ANK3: variants seen among roughly 807,000 people sequenced by gnomAD.
The protein encoded by ANK3 is ankyrin-3.
ANK3 carries 57 observed loss-of-function variants against 370.9 expected under a neutral mutation model. The ratio of observed to expected loss-of-function variants is 0.15; its 90% CI spans 0.12 to 0.19. ANK3 has a LOEUF of 0.19. Among genes scored for constraint, ANK3 ranks in the 10% least tolerant of loss-of-function variants. ANK3 has a pLI of 1.00. For missense variants in ANK3, 4,439 were observed against 5,302.1 expected (o/e 0.84, Z 5.06); for synonymous variants, 1,929 against 1,946.3 (o/e 0.99, Z 0.23).
chr10:60,433,545 A>G (rs1283945968), intron 2 of ANK3, among the ~76,000 whole-genome samples: 2 of 152,140 alleles, frequency 1.3e-5, no homozygotes, highest in East Asian at 3.9e-4. Flanking sequence ...GTGAGCCGAG[A>G]TCATGCCACC....
rs1181933154 is a variant in ANK3 at position 60,448,382 on chromosome 10, T to C, written c.96+166804A>G. ...ATTAGAAAGTCAGGAAAATTAGGGT[T>C]CTCACATCCTGTCTTTCCTTCTGAC... On this transcript the variant is annotated intron_variant, in intron 2 of 43. Transcript: ENST00000373827. 2.0e-5 allele frequency among the ~76,000 whole-genome samples: 3 copies of C among 152,222 alleles called. No homozygotes were observed. The East Asian group carries it at 5.8e-4, about 29-fold the overall frequency.
chr10:60,063,283 C>T, intron 39 of ANK3, 29 bp from the exon 40 acceptor site: 1 of 1,588,192 alleles, frequency 6.3e-7, no homozygotes, highest in Non-Finnish European at 8.6e-7. Flanking sequence ...GGTTGAAAAC[C>T]CAATTAAATT....
intron 42 of ANK3, among the ~76,000 whole-genome samples, chr10:60,049,314 C>T (rs764923674): frequency 2.0e-5 from 3 of 152,172 alleles, no homozygotes; most frequent in Non-Finnish European, 4.4e-5. Context: ...TGGGTCTGGG[C>T]GCAGTGGCTC....
At chr10:60,130,901 T>C (rs2094026632) in intron 25 of ANK3, among the ~76,000 whole-genome samples, 1 of 152,190 alleles carries the variant, frequency 6.6e-6, no homozygotes, top group Non-Finnish European at 1.5e-5. Context: ...CAAGTTACTA[T>C]TTTGAAATTG....
Position 60,724,164 on chromosome 10 carries a change from C to T in ANK3, c.57+9099G>A, listed in dbSNP as rs567003911. 1.2e-4 allele frequency among the ~76,000 whole-genome samples: 15 copies of T among 125,698 alleles called. No homozygotes were observed. The South Asian group carries it at 4.7e-3, about 39-fold the overall frequency. The allele number at this position is 125,698 out of a possible 152,430, so 82.5% of individuals were successfully genotyped here. A position where few individuals can be genotyped will look rare whatever the true frequency, so the allele number is the denominator to read the frequency against. ...GGCGGAGCTTGCAGTGAGCCGAGAT[C>T]GCGCCACTGCACTCCAGCCTGGGCG... On this transcript the variant is annotated intron_variant, in intron 1 of 43. Coordinates refer to the ANK3 transcript ENST00000373827.
At chr10:60,227,246 T>C (rs1470348161) in intron 8 of ANK3, among the ~76,000 whole-genome samples, 1 of 152,086 alleles carries the variant, frequency 6.6e-6, no homozygotes, top group Non-Finnish European at 1.5e-5. Context: ...TTCAGAACTT[T>C]AAAGGTGGCC....
At chr10:60,694,150 T>C (rs1221402653) in intron 1 of ANK3, among the ~76,000 whole-genome samples, 3 of 151,812 alleles carry the variant, frequency 2.0e-5, no homozygotes, top group South Asian at 2.1e-4. Context: ...AGGGTATCAG[T>C]GATGGAAGAT....
At position 60,262,343 on chromosome 10, in the gene ANK3, A is replaced by T. The variant is rs563468906; in HGVS notation, c.700-386T>A. On this transcript the variant is annotated intron_variant, in intron 6 of 43. Coordinates refer to ENST00000280772, the MANE Select transcript of ANK3 (RefSeq NM_020987.5). ...TTGAAACTCAAAATTCAATTAGTTT[A>T]TATATTTGATATAGATTCATATTAC... Among the ~76,000 whole-genome samples, 21 of 152,362 alleles carry T rather than the reference A, an allele frequency of 1.4e-4. No individual in the cohort carries two copies. The East Asian group carries it at 3.9e-3, about 28-fold the overall frequency.
In ANK3 at chr10:60,071,725, T is replaced by C; in HGVS notation, c.9156A>G (p.Leu3052=). 2 of 1,598,624 alleles carry C rather than the reference T, an allele frequency of 1.3e-6. No homozygotes were observed. The highest frequency in any genetic ancestry group is 1.7e-6 in the Non-Finnish European group (2 of 1,174,336). ...GAGATTCCTTTCCTGGGCTAAACTC[T>C]AAAGAATCAGGAGATTTGGTGGGGG... The part of the protein sequence containing the change: ...ETSPTKSPDS[L]EFSPGKESPS... The change falls in exon 37 of 44, where the codon TTA becomes TTG. Residue 3052 remains leucine (L), a synonymous_variant. Coordinates refer to ENST00000280772, the MANE Select transcript of ANK3 (RefSeq NM_020987.5).
At chr10:60,111,708 G>T (rs1039800301) in intron 26 of ANK3, 9 of 452,138 alleles carry the variant, frequency 2.0e-5, no homozygotes, top group African/African-American at 1.8e-4. Flanking sequence ...AAAAAGGATG[G>T]TTCACATAAA....
At chr10:60,321,402 G>T (rs1216795861) in intron 1 of ANK3, among the ~76,000 whole-genome samples, 1 of 108,184 alleles carries the variant, frequency 9.2e-6, no homozygotes, top group Non-Finnish European at 1.9e-5. Flanking sequence ...GAGAAGAGAA[G>T]AAAAGAAAAG....
chr10:60,452,334 C>T (rs191387089), intron 2 of ANK3, among the ~76,000 whole-genome samples: 1 of 152,230 alleles, frequency 6.6e-6, no homozygotes, highest in African/African-American at 2.4e-5. Flanking sequence ...ACGAGAGTTG[C>T]TTCTATTGTG....
chr10:60,672,466 T>C (rs935842183), intron 1 of ANK3, among the ~76,000 whole-genome samples: 1 of 152,176 alleles, frequency 6.6e-6, no homozygotes, highest in African/African-American at 2.4e-5. Flanking sequence ...AAAAACTACA[T>C]AAAGTTCCCT....
intron 36 of ANK3, among the ~76,000 whole-genome samples, chr10:60,080,052 T>A (rs1236871449): frequency 6.6e-6 from 1 of 152,080 alleles, no homozygotes; most frequent in Non-Finnish European, 1.5e-5. Flanking sequence ...AAACAAGTGC[T>A]ACCTCAAGAA....
At position 60,249,082 on chromosome 10, in the gene ANK3, G is replaced by T. The variant is rs957352770; in HGVS notation, c.798+12777C>A. Among the ~76,000 whole-genome samples, 13 of 152,172 alleles carry T rather than the reference G, an allele frequency of 8.5e-5. No individual in the cohort carries two copies. The South Asian group carries it at 1.9e-3, about 22-fold the overall frequency. On this transcript the variant is annotated intron_variant, in intron 7 of 43. Coordinates refer to ENST00000280772, the MANE Select transcript of ANK3 (RefSeq NM_020987.5). ...TTTCTTTAAAGATGTCACTATCAAAGCTCAATCAAAAGTAGCCTGCTATCT... is the reference window on the plus strand; with the variant it reads ...TTTCTTTAAAGATGTCACTATCAAATCTCAATCAAAAGTAGCCTGCTATCT...
intron 7 of ANK3, among the ~76,000 whole-genome samples, chr10:60,235,976 T>A (rs2097326481): frequency 6.6e-6 from 1 of 152,172 alleles, no homozygotes; most frequent in Admixed American, 6.6e-5. Flanking sequence ...AGAACCAGGA[T>A]TCAACTCTTC....
chr10:60,161,573 C>A (rs2095501137), intron 23 of ANK3, among the ~76,000 whole-genome samples: 1 of 151,934 alleles, frequency 6.6e-6, no homozygotes, highest in Non-Finnish European at 1.5e-5. Flanking sequence ...GAATGAAATT[C>A]TGTGTTTTTT....
chr10:60,566,885 A>G (rs2077476491), intron 2 of ANK3, among the ~76,000 whole-genome samples: 1 of 152,200 alleles, frequency 6.6e-6, no homozygotes, highest in Non-Finnish European at 1.5e-5. Context: ...TCTTAAAAAC[A>G]AAACAAAACA....
intron 2 of ANK3, among the ~76,000 whole-genome samples, chr10:60,497,184 G>A (rs2075680805): frequency 6.6e-6 from 1 of 151,958 alleles, no homozygotes; most frequent in Non-Finnish European, 1.5e-5. Flanking sequence ...TATGCCTGTG[G>A]TCCCCAGTTA....
Sources: gnomAD v4.1 joint callset for allele counts (sites outside exome capture counted in the v4.1 genomes callset) on GRCh38, gnomAD v4.1.1 for gene constraint, MANE v1.5 for transcripts, NCBI Gene and HGNC (gene_info 2026-07-23, HGNC 2026-07-21) for gene names.